Variants in LSM4 observed in about 807,000 individuals in gnomAD.
The protein encoded by LSM4 is U6 snRNA-associated Sm-like protein LSm4.
A neutral mutation model predicts 22.3 loss-of-function variants in LSM4; 15 were observed. The ratio of observed to expected loss-of-function variants is 0.67; its 90% confidence interval spans 0.45 to 1.03. The LOEUF (loss-of-function observed/expected upper bound fraction) is 1.03, where lower values mean the gene tolerates loss of function less well. LSM4 is among the 50% of genes least tolerant of loss of function. The probability of loss-of-function intolerance (pLI) is 0.00; values close to 1 mark genes in which losing one functional copy is unlikely to be tolerated. For missense variants in LSM4, 127 were observed against 198.0 expected (o/e 0.64, Z 2.15); for synonymous variants, 90 against 79.8 (o/e 1.13, Z -0.68).
chr19:18,307,710 G>A (rs912181323), intron 4 of LSM4, among the ~76,000 whole-genome samples, 155 bp from the exon 5 acceptor site: 18 of 152,110 alleles, frequency 1.2e-4, no homozygotes, highest in South Asian at 4.2e-4. Context: ...GATCTCCTCC[G>A]TGGGGCAGAG....
At chr19:18,316,309 C>A in intron 1 of LSM4, 1 of 418,498 alleles carries the variant, frequency 2.4e-6, no homozygotes, top group Non-Finnish European at 4.4e-6. Context: ...TGGCCACCAC[C>A]TGCTCTTGGT....
At chr19:18,310,122 CT>C (rs1173252816) in intron 3 of LSM4, 7 of 494,864 alleles carry the variant, frequency 1.4e-5, no homozygotes, top group Non-Finnish European at 2.5e-5. Flanking sequence ...GGAAGACTGG[CT>C]CCTATCCTCT....
intron 1 of LSM4, 44 bp downstream of exon 1, chr19:18,322,974 T>G (rs1482665068): frequency 5.7e-6 from 9 of 1,589,872 alleles, no homozygotes; most frequent in Non-Finnish European, 6.8e-6. Flanking sequence ...CAACGACTGC[T>G]GTTCCCGCCT....
intron 4 of LSM4, among the ~76,000 whole-genome samples, chr19:18,308,001 C>T (rs1236690996): frequency 6.6e-6 from 1 of 151,932 alleles, no homozygotes; most frequent in Non-Finnish European, 1.5e-5. Flanking sequence ...ATCTACCTGC[C>T]AGGAGGAAAA....
intron 1 of LSM4, among the ~76,000 whole-genome samples, chr19:18,316,548 A>T (rs1452980884): frequency 1.3e-5 from 2 of 151,826 alleles, no homozygotes; most frequent in Non-Finnish European, 2.9e-5. Context: ...GGGTTTCACC[A>T]TGTTGGCCAG....
chr19:18,311,742 C>T (rs1970301053), intron 3 of LSM4, among the ~76,000 whole-genome samples: 1 of 152,200 alleles, frequency 6.6e-6, no homozygotes, highest in South Asian at 2.1e-4. Context: ...AGCAGCCTCA[C>T]CACCTGTCCC....
chr19:18,311,720 G>C (rs1324034447), intron 3 of LSM4, among the ~76,000 whole-genome samples: 7 of 152,274 alleles, frequency 4.6e-5, no homozygotes, highest in South Asian at 2.1e-4. Flanking sequence ...AGAGCTTCTA[G>C]CGCTGCTGCA....
intron 1 of LSM4, among the ~76,000 whole-genome samples, chr19:18,320,509 A>G (rs1970414138): frequency 6.6e-6 from 1 of 152,068 alleles, no homozygotes; most frequent in Non-Finnish European, 1.5e-5. Flanking sequence ...TCTGAAAAAC[A>G]AAAAAAGTCT....
intron 3 of LSM4, 119 bp from the exon 4 acceptor site, chr19:18,309,980 C>T: frequency 1.1e-5 from 10 of 932,854 alleles, no homozygotes; most frequent in Non-Finnish European, 1.1e-5. Context: ...CTGCAAGCTG[C>T]ACAGTATCAG....
At chr19:18,317,917 T>C (rs574431964) in intron 1 of LSM4, among the ~76,000 whole-genome samples, 2 of 152,200 alleles carry the variant, frequency 1.3e-5, no homozygotes, top group Non-Finnish European at 2.9e-5. Context: ...ATCAACACTT[T>C]CATTTTGGAA....
intron 2 of LSM4, 26 bp downstream of exon 2, chr19:18,315,998 G>A (rs559233199): frequency 5.6e-6 from 9 of 1,610,586 alleles, no homozygotes; most frequent in African/African-American, 4.0e-5. Context: ...TCTCAAACAG[G>A]CTTTCCCAGA....
chr19:18,309,632 G>A (rs779086726), intron 4 of LSM4, 46 bp downstream of exon 4: 2 of 1,529,368 alleles, frequency 1.3e-6, no homozygotes, highest in South Asian at 1.2e-5. Context: ...GCCACGTGTG[G>A]CTGTCTTCCC....
chr19:18,310,768 G>A (rs1970290060), intron 3 of LSM4, among the ~76,000 whole-genome samples: 1 of 152,174 alleles, frequency 6.6e-6, no homozygotes, highest in Admixed American at 6.5e-5. Context: ...TCCAGCCTGG[G>A]GGCAAGGTCT....
chr19:18,314,002 G>A (rs1369710329), intron 2 of LSM4, among the ~76,000 whole-genome samples: 2 of 151,914 alleles, frequency 1.3e-5, no homozygotes, highest in African/African-American at 2.4e-5. Context: ...TAGTAGAGAC[G>A]GGGATTTCAC....
At chr19:18,309,654 G>A (rs370295859) in intron 4 of LSM4, 24 bp downstream of exon 4, 19 of 1,566,602 alleles carry the variant, frequency 1.2e-5, no homozygotes, top group African/African-American at 2.8e-5. Flanking sequence ...CCCCAGGTAC[G>A]TCCACTGGAG....
chr19:18,309,986 A>C (rs1002263535), intron 3 of LSM4, 125 bp from the exon 4 acceptor site: 1 of 889,342 alleles, frequency 1.1e-6, no homozygotes, highest in Non-Finnish European at 1.7e-6. Flanking sequence ...GCTGCACAGT[A>C]TCAGTCCCGG....
chr19:18,316,717 A>G, intron 1 of LSM4, among the ~76,000 whole-genome samples: 1 of 151,996 alleles, frequency 6.6e-6, no homozygotes, highest in East Asian at 1.9e-4. Context: ...TACTCTGAGT[A>G]TGGAGTTGAG....
intron 3 of LSM4, 90 bp from the exon 4 acceptor site, chr19:18,309,951 C>A (rs866333331): frequency 7.7e-7 from 1 of 1,290,926 alleles, no homozygotes. Context: ...TCCTGCCCAG[C>A]CTGCACCCCG....
chr19:18,318,078 A>G (rs1236380960), intron 1 of LSM4, among the ~76,000 whole-genome samples: 7 of 152,290 alleles, frequency 4.6e-5, no homozygotes, highest in African/African-American at 1.7e-4. Context: ...CATGGGACAC[A>G]GGCTTCACCT....
Sources: allele counts gnomAD v4.1 joint callset (sites outside exome capture counted in the v4.1 genomes callset), GRCh38; gene constraint gnomAD v4.1.1; transcripts MANE v1.5; gene names NCBI Gene and HGNC (gene_info 2026-07-23, HGNC 2026-07-21).